PDGFD: variants seen among roughly 807,000 people sequenced by gnomAD.
The protein encoded by PDGFD is platelet derived growth factor D, also known as platelet-derived growth factor D.
A neutral mutation model predicts 44.7 loss-of-function variants in PDGFD; 30 were observed. The ratio of observed to expected loss-of-function variants is 0.67; its 90% CI spans 0.50 to 0.91. PDGFD has a LOEUF of 0.91. PDGFD is among the 40% of genes least tolerant of loss of function. The pLI is 0.00. For missense variants in PDGFD, 445 were observed against 457.8 expected (o/e 0.97, Z 0.25); for synonymous variants, 173 against 168.4 (o/e 1.03, Z -0.21).
At chr11:104,127,699 ACG>A (rs1491149373) in intron 1 of PDGFD, among the ~76,000 whole-genome samples, 3 of 151,970 alleles carry the variant, frequency 2.0e-5, no homozygotes, top group Admixed American at 1.3e-4. Flanking sequence ...TGGTATGAAT[ACG>A]TGTGTGTGTG....
Position 104,024,592 on chromosome 11 carries a change from G to C in PDGFD, c.125-24337C>G, listed in dbSNP as rs946732289. ...TCAGTTACCTACAGTATTCAGTACA[G>C]TAACACGTTGTACAGGTTTGAAGCC... On this transcript the variant is annotated intron_variant, in intron 1 of 6. Transcript: ENST00000393158. 3.9e-5 allele frequency among the ~76,000 whole-genome samples: 6 copies of C among 152,176 alleles called. No individual in the cohort carries two copies. The East Asian group carries it at 9.6e-4, about 24-fold the overall frequency.
At chr11:104,141,609 G>A (rs975639802) in intron 1 of PDGFD, among the ~76,000 whole-genome samples, 3 of 152,146 alleles carry the variant, frequency 2.0e-5, no homozygotes, top group Non-Finnish European at 4.4e-5. Flanking sequence ...CAAAAAAAAT[G>A]TGGCTGAGTT....
chr11:104,019,715 T>C (rs946234289), intron 1 of PDGFD, among the ~76,000 whole-genome samples: 2 of 152,162 alleles, frequency 1.3e-5, no homozygotes, highest in African/African-American at 2.4e-5. Flanking sequence ...AAGATTATCA[T>C]GTATAATTAT....
chr11:103,946,395 G>C (rs1159275389), intron 4 of PDGFD: 2 of 152,168 alleles, frequency 1.3e-5, no homozygotes, highest in Non-Finnish European at 2.9e-5. Context: ...TACTCCAAAA[G>C]GATGAGACAA....
chr11:104,016,678 A>G (rs990723482), intron 1 of PDGFD, among the ~76,000 whole-genome samples: 1 of 152,246 alleles, frequency 6.6e-6, no homozygotes, highest in Non-Finnish European at 1.5e-5. Flanking sequence ...GGCCCTTGAA[A>G]TATGCATTCA....
At chr11:104,077,127 C>T (rs1435700498) in intron 1 of PDGFD, among the ~76,000 whole-genome samples, 1 of 152,038 alleles carries the variant, frequency 6.6e-6, no homozygotes, top group Non-Finnish European at 1.5e-5. Flanking sequence ...TCCCCTAATC[C>T]ACACACTGTT....
chr11:104,065,313 C>T (rs990862534), intron 1 of PDGFD, among the ~76,000 whole-genome samples: 1 of 152,114 alleles, frequency 6.6e-6, no homozygotes, highest in Non-Finnish European at 1.5e-5. Context: ...CCTAATATAA[C>T]TACTATTTCT....
rs74494696 is a variant in PDGFD, at chr11:103,982,437, T to G, written c.510+13628A>C. On this transcript the variant is annotated intron_variant, in intron 3 of 6. Coordinates refer to ENST00000393158, the MANE Select transcript of PDGFD (RefSeq NM_025208.5). ...CAAGGAGCTTTTGCTCTAGTAGAGA[T>G]AGTGAGGCATGTATGTGGGTTTTTA... Among the ~76,000 whole-genome samples, 379 of 151,770 alleles carry G rather than the reference T, an allele frequency of 2.5e-3. 11 individuals are homozygous for G. The East Asian group carries it at 0.062, about 25-fold the overall frequency.
At chr11:103,987,120 CAG>C (rs1859378938) in intron 3 of PDGFD, among the ~76,000 whole-genome samples, 1 of 144,478 alleles carries the variant, frequency 6.9e-6, no homozygotes, top group Non-Finnish European at 1.5e-5. Flanking sequence ...TGAGTTTTTG[CAG>C]AGACTGATTT....
intron 1 of PDGFD, among the ~76,000 whole-genome samples, chr11:104,053,159 C>A (rs931990329): frequency 6.6e-6 from 1 of 152,120 alleles, no homozygotes; most frequent in Non-Finnish European, 1.5e-5. Context: ...AGTGATCTAA[C>A]TTGATTTCCT....
At chr11:104,005,769 T>C (rs1470946806) in intron 1 of PDGFD, among the ~76,000 whole-genome samples, 1 of 152,224 alleles carries the variant, frequency 6.6e-6, no homozygotes, top group Non-Finnish European at 1.5e-5. Flanking sequence ...AATCAAGATA[T>C]GACCTTAGGC....
At chr11:103,919,502 C>CTTTTTTTTTTTTTTTT (rs71037206) in intron 6 of PDGFD, among the ~76,000 whole-genome samples, 2 of 88,764 alleles carry the variant, frequency 2.3e-5, no homozygotes, top group Non-Finnish European at 4.1e-5. Context: ...AAGATTCTTC[C>CTTTTTTTTTTTTTTTT]TTTTTTTTTT....
chr11:104,140,008 C>T (rs1388362592), intron 1 of PDGFD, among the ~76,000 whole-genome samples: 1 of 23,404 alleles, frequency 4.3e-5, no homozygotes. Flanking sequence ...TGCAGTGAGC[C>T]GAGATTGCGC....
intron 1 of PDGFD, among the ~76,000 whole-genome samples, chr11:104,117,303 T>A (rs1315733896): frequency 6.6e-6 from 1 of 151,896 alleles, no homozygotes; most frequent in African/African-American, 2.4e-5. Flanking sequence ...TTGAAAGCAT[T>A]CCCTCTGAGA....
At chr11:103,973,285 C>T (rs2134345772) in intron 3 of PDGFD, among the ~76,000 whole-genome samples, 1 of 150,470 alleles carries the variant, frequency 6.6e-6, no homozygotes, top group Admixed American at 6.7e-5. Context: ...ACCACAGGCG[C>T]CTGCCACCAT....
intron 3 of PDGFD, among the ~76,000 whole-genome samples, chr11:103,954,465 T>A (rs760832288): frequency 6.6e-6 from 1 of 152,252 alleles, no homozygotes; most frequent in African/African-American, 2.4e-5. Context: ...TTCATTTTTA[T>A]CCTAGGTGAT....
At chr11:104,049,907 GAT>G (rs556860206) in intron 1 of PDGFD, among the ~76,000 whole-genome samples, 19 of 152,258 alleles carry the variant, frequency 1.2e-4, no homozygotes, top group African/African-American at 4.1e-4. Context: ...GAGCCAATTG[GAT>G]TGGAGGAGGT....
intron 3 of PDGFD, among the ~76,000 whole-genome samples, chr11:103,984,413 G>A (rs1425428440): frequency 5.9e-5 from 9 of 151,588 alleles, no homozygotes; most frequent in Non-Finnish European, 1.3e-4. Context: ...CTTTCAAAGG[G>A]TGGAGTGGTG....
At chr11:103,956,862 T>C (rs1367529440) in intron 3 of PDGFD, among the ~76,000 whole-genome samples, 1 of 152,206 alleles carries the variant, frequency 6.6e-6, no homozygotes, top group Non-Finnish European at 1.5e-5. Flanking sequence ...GATGTCTTCT[T>C]TTGAGAAGTG....
Sources: gnomAD v4.1 joint callset for allele counts (sites outside exome capture counted in the v4.1 genomes callset) on GRCh38, gnomAD v4.1.1 for gene constraint, MANE v1.5 for transcripts, NCBI Gene and HGNC (gene_info 2026-07-23, HGNC 2026-07-21) for gene names.